ANKS1B: variants seen among roughly 807,000 people sequenced by gnomAD.
The protein encoded by ANKS1B is ankyrin repeat and sterile alpha motif domain-containing protein 1B.
A neutral mutation model predicts 148.3 loss-of-function variants in ANKS1B; 36 were observed. The observed-to-expected ratio is 0.24, with a 90% CI of 0.19 to 0.32. ANKS1B has a LOEUF of 0.32. Among genes scored for constraint, ANKS1B ranks in the 10% least tolerant of loss-of-function variants. ANKS1B has a pLI of 1.00. For synonymous variants in ANKS1B, 542 were observed against 560.8 expected (o/e 0.97, Z 0.47); for missense variants, 1,157 against 1,542.6 (o/e 0.75, Z 4.19).
intron 14 of ANKS1B, among the ~76,000 whole-genome samples, chr12:99,161,463 T>C (rs1945857449): frequency 6.6e-6 from 1 of 152,056 alleles, no homozygotes; most frequent in African/African-American, 2.4e-5. Context: ...CAGTGAGCTA[T>C]GATTGCACCA....
chr12:99,123,726 G>A (rs1310794053), intron 15 of ANKS1B, among the ~76,000 whole-genome samples: 1 of 152,156 alleles, frequency 6.6e-6, no homozygotes, highest in Non-Finnish European at 1.5e-5. Flanking sequence ...GCATAGTACA[G>A]GAGAAAGATG....
chr12:99,321,144 C>T (rs1196690167), intron 12 of ANKS1B, among the ~76,000 whole-genome samples: 2 of 152,216 alleles, frequency 1.3e-5, no homozygotes, highest in African/African-American at 2.4e-5. Context: ...TTAGGCTACT[C>T]AGGGGTCAGG....
At chr12:98,924,286 T>C (rs1597021391) in intron 17 of ANKS1B, among the ~76,000 whole-genome samples, 1 of 152,236 alleles carries the variant, frequency 6.6e-6, no homozygotes, top group South Asian at 2.1e-4. Flanking sequence ...TACCAGAGAA[T>C]AGACTTCCCG....
chr12:98,970,310 T>C (rs935332579), intron 17 of ANKS1B, among the ~76,000 whole-genome samples: 3 of 152,182 alleles, frequency 2.0e-5, no homozygotes, highest in Non-Finnish European at 4.4e-5. Flanking sequence ...TTGATGTTGT[T>C]CTCTAGAATG....
At chr12:99,895,440 T>C (rs957808459) in intron 1 of ANKS1B, among the ~76,000 whole-genome samples, 1 of 150,816 alleles carries the variant, frequency 6.6e-6, no homozygotes, top group African/African-American at 2.4e-5. Flanking sequence ...TGTGTGTGTG[T>C]GTCCTTTCGA....
chr12:98,854,867 A>T (rs1458386493), intron 17 of ANKS1B, among the ~76,000 whole-genome samples: 2 of 152,218 alleles, frequency 1.3e-5, no homozygotes, highest in African/African-American at 4.8e-5. Context: ...TAAAGTTTTT[A>T]AAAATCTCTT....
chr12:99,031,535 C>T (rs775550236), intron 17 of ANKS1B, among the ~76,000 whole-genome samples: 24 of 152,262 alleles, frequency 1.6e-4, no homozygotes, highest in Middle Eastern at 3.4e-3. Context: ...GAGGTGTAAA[C>T]CTGAGTCTGC....
In ANKS1B at chr12:99,104,929, G is replaced by A. The variant is rs184787949; in HGVS notation, c.2527-19906C>T. 4.6e-5 allele frequency: 7 copies of A among 152,300 alleles called. No individual in the cohort carries two copies. The East Asian group carries it at 5.8e-4, about 13-fold the overall frequency. The allele number at this position is 152,300 out of a possible 1,614,324, so 9.4% of individuals were successfully genotyped here. A position where few individuals can be genotyped will look rare whatever the true frequency, so the allele number is the denominator to read the frequency against. On this transcript the variant is annotated intron_variant, in intron 15 of 26. Transcript: ENST00000683438. ...ATAAAGACAGACCAGACTACCTTGC[G>A]GTAATTTGTTCAGTATTTTATCCCC...
chr12:99,360,706 T>C (rs1174087272), intron 12 of ANKS1B, among the ~76,000 whole-genome samples: 1 of 152,258 alleles, frequency 6.6e-6, no homozygotes, highest in East Asian at 1.9e-4. Flanking sequence ...AATGAAAAGA[T>C]GTGTGGAATA....
rs1249630085 is a variant in ANKS1B at position 98,745,594 on chromosome 12, T to C, written c.*145A>G. 6.4e-6 allele frequency: 9 copies of C among 1,414,846 alleles called. No individual in the cohort carries two copies. Among genetic ancestry groups the C allele is most frequent in the Non-Finnish European group, 8.3e-6 (9 of 1,081,292 alleles). 87.6% of individuals were successfully genotyped at this position (1,414,846 alleles called of 1,614,324 possible). A position where few individuals can be genotyped will look rare whatever the true frequency, so the allele number is the denominator to read the frequency against. ...GGTGCAGAAAGAACTTCCCCAGGAA[T>C]GGCCAGTGGCCTTTCGCCCGTAACA... On this transcript the variant is annotated 3_prime_UTR_variant, in exon 27 of 27. Coordinates refer to ENST00000683438, the MANE Select transcript of ANKS1B (RefSeq NM_001352186.2).
At chr12:99,440,129 C>T (rs1422103909) in intron 11 of ANKS1B, among the ~76,000 whole-genome samples, 1 of 151,744 alleles carries the variant, frequency 6.6e-6, no homozygotes, top group African/African-American at 2.4e-5. Flanking sequence ...ACATTCTTGC[C>T]TCCAAGGCAG....
intron 8 of ANKS1B, among the ~76,000 whole-genome samples, chr12:99,687,466 A>G (rs1170051135): frequency 6.6e-6 from 1 of 152,160 alleles, no homozygotes; most frequent in African/African-American, 2.4e-5. Flanking sequence ...AGTTACACAT[A>G]GCTTAGTGGC....
chr12:99,901,417 A>G (rs2093595869), intron 1 of ANKS1B, among the ~76,000 whole-genome samples: 1 of 152,230 alleles, frequency 6.6e-6, no homozygotes, highest in African/African-American at 2.4e-5. Context: ...AGAAAATATT[A>G]CATTTCAAAA....
chr12:99,840,938 C>A (rs1199053630), intron 1 of ANKS1B, among the ~76,000 whole-genome samples: 1 of 152,092 alleles, frequency 6.6e-6, no homozygotes, highest in Admixed American at 6.6e-5. Flanking sequence ...TCATGGATAC[C>A]TTTTCAGCAT....
At chr12:99,277,243 T>C (rs755854545) in intron 12 of ANKS1B, among the ~76,000 whole-genome samples, 2 of 152,212 alleles carry the variant, frequency 1.3e-5, no homozygotes, top group Non-Finnish European at 2.9e-5. Flanking sequence ...AAGTCTTATT[T>C]TAAAATGTGA....
intron 12 of ANKS1B, among the ~76,000 whole-genome samples, chr12:99,374,438 A>G (rs1167278823): frequency 2.0e-5 from 3 of 152,156 alleles, no homozygotes; most frequent in African/African-American, 7.2e-5. Context: ...AGGTGTTAAT[A>G]TGAGTGTACC....
chr12:99,155,378 C>T (rs1006341835), intron 14 of ANKS1B, among the ~76,000 whole-genome samples: 3 of 152,058 alleles, frequency 2.0e-5, no homozygotes, highest in Non-Finnish European at 2.9e-5. Context: ...GAAACTGCAT[C>T]GCAATCTTGA....
At chr12:99,161,084 G>C (rs1220711860) in intron 14 of ANKS1B, among the ~76,000 whole-genome samples, 2 of 152,216 alleles carry the variant, frequency 1.3e-5, no homozygotes, top group African/African-American at 4.8e-5. Flanking sequence ...ATGGTAGTTT[G>C]ATAGGAATAG....
At chr12:99,277,677 T>G (rs1257827165) in intron 12 of ANKS1B, among the ~76,000 whole-genome samples, 1 of 152,208 alleles carries the variant, frequency 6.6e-6, no homozygotes, top group East Asian at 1.9e-4. Context: ...AACTGAACCC[T>G]ATGCAGTCAA....
Sources: allele counts gnomAD v4.1 joint callset (sites outside exome capture counted in the v4.1 genomes callset), GRCh38; gene constraint gnomAD v4.1.1; transcripts MANE v1.5; gene names NCBI Gene and HGNC (gene_info 2026-07-23, HGNC 2026-07-21).